The following DLGAP4 variants were observed in gnomAD, a reference collection of about 807,000 sequenced individuals.
The protein encoded by DLGAP4 is DLG associated protein 4.
In DLGAP4, 18 loss-of-function variants were observed where a neutral mutation model predicts 86.9. That is an observed-to-expected ratio of 0.21 (90% CI 0.14 to 0.31). The LOEUF (loss-of-function observed/expected upper bound fraction) is 0.31. Among genes scored for constraint, DLGAP4 ranks in the 10% least tolerant of loss-of-function variants. The pLI is 1.00. For synonymous variants in DLGAP4, 548 were observed against 574.3 expected (o/e 0.95, Z 0.65); for missense variants, 1,085 against 1,362.6 (o/e 0.80, Z 3.21).
intron 7 of DLGAP4, chr20:36,461,327 C>G (rs1251472252): frequency 2.5e-6 from 1 of 404,254 alleles, no homozygotes; most frequent in African/African-American, 2.2e-5. Flanking sequence ...CCCGGCTGCG[C>G]GCGCCGGGCC....
intron 1 of DLGAP4, among the ~76,000 whole-genome samples, chr20:36,323,019 A>G (rs1555890703): frequency 6.6e-6 from 1 of 151,770 alleles, no homozygotes; most frequent in Non-Finnish European, 1.5e-5. Flanking sequence ...TACAAAAGAT[A>G]CAAACACTAG....
intron 1 of DLGAP4, among the ~76,000 whole-genome samples, chr20:36,357,967 G>C (rs1428365152): frequency 6.6e-6 from 1 of 152,166 alleles, no homozygotes; most frequent in Non-Finnish European, 1.5e-5. Flanking sequence ...AATAAATTTG[G>C]GTACCAGCTG....
chr20:36,463,228 G>T (rs1241235687), intron 7 of DLGAP4, among the ~76,000 whole-genome samples: 1 of 152,206 alleles, frequency 6.6e-6, no homozygotes, highest in Non-Finnish European at 1.5e-5. Context: ...GCTTCAAGGT[G>T]TTGTAACCTT....
At chr20:36,509,960 G>A (rs928343020) in intron 10 of DLGAP4, among the ~76,000 whole-genome samples, 2 of 151,730 alleles carry the variant, frequency 1.3e-5, no homozygotes, top group African/African-American at 2.4e-5. Flanking sequence ...GGGTTCAAGC[G>A]ATTCTCTTGT....
At chr20:36,377,040 G>T (rs921943463) in intron 2 of DLGAP4, among the ~76,000 whole-genome samples, 4 of 152,218 alleles carry the variant, frequency 2.6e-5, no homozygotes, top group African/African-American at 9.6e-5. Flanking sequence ...AGGACCTGGA[G>T]TGTGTTGCCT....
At chr20:36,472,165 GTTC>G (rs1043455142) in intron 7 of DLGAP4, among the ~76,000 whole-genome samples, 3 of 152,126 alleles carry the variant, frequency 2.0e-5, no homozygotes, top group Non-Finnish European at 4.4e-5. Flanking sequence ...GGAAGGGAAA[GTTC>G]TATCATTTTT....
chr20:36,437,185 G>A (rs1207722135), intron 4 of DLGAP4, among the ~76,000 whole-genome samples: 2 of 152,206 alleles, frequency 1.3e-5, no homozygotes, highest in Non-Finnish European at 2.9e-5. Context: ...GGTTGGCCCT[G>A]CACTCTGATG....
At chr20:36,317,783 C>G (rs972584634) in intron 1 of DLGAP4, among the ~76,000 whole-genome samples, 38 of 152,024 alleles carry the variant, frequency 2.5e-4, no homozygotes, top group Middle Eastern at 3.4e-3. Flanking sequence ...TGAAAACTGA[C>G]AGGTGAGCAT....
chr20:36,523,906 G>A (rs1261858413), intron 10 of DLGAP4, among the ~76,000 whole-genome samples: 1 of 152,122 alleles, frequency 6.6e-6, no homozygotes, highest in Non-Finnish European at 1.5e-5. Flanking sequence ...CAGGTGATCT[G>A]CCTCAGCCTC....
intron 4 of DLGAP4, among the ~76,000 whole-genome samples, chr20:36,439,113 G>A (rs1038539782): frequency 1.3e-5 from 2 of 152,144 alleles, no homozygotes; most frequent in African/African-American, 4.8e-5. Flanking sequence ...AACAGCTGCC[G>A]TCTGTTAGCA....
intron 1 of DLGAP4, among the ~76,000 whole-genome samples, chr20:36,344,435 T>C (rs1330854921): frequency 6.6e-6 from 1 of 152,146 alleles, no homozygotes; most frequent in East Asian, 1.9e-4. Context: ...ACTGGGCCCC[T>C]CCATCTACCA....
chr20:36,401,606 C>G (rs2032162891), intron 2 of DLGAP4, among the ~76,000 whole-genome samples: 1 of 152,224 alleles, frequency 6.6e-6, no homozygotes, highest in African/African-American at 2.4e-5. Flanking sequence ...TCAGTAGCTG[C>G]TGGGTGCCAG....
intron 2 of DLGAP4, among the ~76,000 whole-genome samples, chr20:36,389,651 A>G (rs550970086): frequency 6.6e-6 from 1 of 152,370 alleles, no homozygotes; most frequent in Admixed American, 6.5e-5. Context: ...TTACATAAGT[A>G]AGAAAAATAA....
At chr20:36,379,490 G>A (rs958905861) in intron 2 of DLGAP4, among the ~76,000 whole-genome samples, 1 of 152,186 alleles carries the variant, frequency 6.6e-6, no homozygotes, top group East Asian at 1.9e-4. Flanking sequence ...CCTGGGACTC[G>A]AGGCACATAT....
At chr20:36,520,288 T>C (rs2147851855) in intron 10 of DLGAP4, among the ~76,000 whole-genome samples, 1 of 152,320 alleles carries the variant, frequency 6.6e-6, no homozygotes. Context: ...TAAACCCTTA[T>C]CAGATACATG....
intron 6 of DLGAP4, among the ~76,000 whole-genome samples, 166 bp downstream of exon 6, chr20:36,442,943 G>C (rs572124621): frequency 1.3e-5 from 2 of 152,310 alleles, no homozygotes; most frequent in South Asian, 4.1e-4. Flanking sequence ...TTGGTGTCCT[G>C]ACTCTCCACT....
At chr20:36,461,408 G>C (rs1231759358) in intron 7 of DLGAP4, 3 of 964,696 alleles carry the variant, frequency 3.1e-6, no homozygotes, top group Non-Finnish European at 3.7e-6. Context: ...CGGCTGACGC[G>C]GGGGGCGGGG....
Position 36,525,979 on chromosome 20 carries a change from G to A in DLGAP4, c.2733G>A (p.Gln911=). ...ELYHLKANSW[Q]LVETPEKRKE... is the part of the protein sequence containing the mutation. The stretch of plus-strand genomic sequence containing the variant: ...ACCACCTCAAGGCCAACAGCTGGCA[G>A]CTGGTGGAGACCCCCGAGAAGAGGA... Residue 911 remains glutamine, a synonymous_variant, in exon 12 of 13, where the codon CAG becomes CAA. Transcript: ENST00000339266. 6.2e-7 allele frequency: 1 copy of A among 1,613,784 alleles called. No individual in the cohort carries two copies. Among genetic ancestry groups the A allele is most frequent in the African/African-American group, 1.3e-5 (1 of 74,940 alleles).
chr20:36,351,247 G>T (rs1349148291), intron 1 of DLGAP4, among the ~76,000 whole-genome samples: 5 of 152,188 alleles, frequency 3.3e-5, no homozygotes, highest in African/African-American at 1.2e-4. Context: ...CTTATAAATG[G>T]CAGACCCCCT....
Sources: allele counts gnomAD v4.1 joint callset (sites outside exome capture counted in the v4.1 genomes callset), GRCh38; gene constraint gnomAD v4.1.1; transcripts MANE v1.5; gene names NCBI Gene and HGNC (gene_info 2026-07-23, HGNC 2026-07-21).